The following RGS6 variants were observed in gnomAD, a reference collection of about 807,000 sequenced individuals.
The protein encoded by RGS6 is regulator of G-protein signaling 6.
Under a neutral mutation model 78.5 loss-of-function variants are expected in RGS6, and 30 were observed. The ratio of observed to expected loss-of-function variants is 0.38; its 90% CI spans 0.29 to 0.52. The LOEUF (loss-of-function observed/expected upper bound fraction) is 0.52, where lower values mean the gene tolerates loss of function less well. RGS6 is among the 20% of genes least tolerant of loss of function. The probability of loss-of-function intolerance (pLI) is 0.85; values close to 1 mark genes in which losing one functional copy is unlikely to be tolerated. For synonymous variants in RGS6, 206 were observed against 206.0 expected, an observed-to-expected ratio of 1.00 and a Z score of 0.00; for missense variants, 495 against 609.7, an observed-to-expected ratio of 0.81 and a Z score of 1.98.
intron 17 of RGS6, among the ~76,000 whole-genome samples, chr14:72,549,359 C>T (rs960228212): frequency 1.3e-5 from 2 of 152,124 alleles, no homozygotes; most frequent in Non-Finnish European, 2.9e-5. Flanking sequence ...CCCACTGGCA[C>T]AGGGCATTGG....
intron 16 of RGS6, among the ~76,000 whole-genome samples, chr14:72,539,377 AC>A (rs1382600676): frequency 3.3e-5 from 5 of 151,944 alleles, no homozygotes; most frequent in Non-Finnish European, 2.9e-5. Context: ...GAGACCCAAG[AC>A]CCTTTGTCCA....
At chr14:72,288,313 G>A (rs1275122636) in intron 2 of RGS6, among the ~76,000 whole-genome samples, 1 of 152,154 alleles carries the variant, frequency 6.6e-6, no homozygotes, top group Non-Finnish European at 1.5e-5. Context: ...AATTATCCTG[G>A]TGGAATGGCT....
At position 72,231,856 on chromosome 14, in the gene RGS6, A is replaced by G. The variant is rs572638330; in HGVS notation, c.85-120239A>G. 7.2e-4 allele frequency among the ~76,000 whole-genome samples: 109 copies of G among 152,200 alleles called. 1 individual carries two copies. The South Asian group carries it at 0.022, about 30-fold the overall frequency. On this transcript the variant is annotated intron_variant, in intron 2 of 17. Transcript: ENST00000553525. The stretch of plus-strand genomic sequence containing the variant: ...GTGAGGAGGAGAGGGGTGGGGGATG[A>G]ACTGGGATAGGTTGCAACAAGGAGC...
intron 17 of RGS6, 130 bp from the exon 18 acceptor site, chr14:72,562,287 T>C: frequency 1.2e-6 from 1 of 813,696 alleles, no homozygotes; most frequent in Non-Finnish European, 2.0e-6. Context: ...AATATCAAGA[T>C]GGTCAGTTGG....
intron 2 of RGS6, among the ~76,000 whole-genome samples, chr14:71,994,907 G>A (rs1372227129): frequency 6.6e-6 from 1 of 152,106 alleles, no homozygotes; most frequent in African/African-American, 2.4e-5. Context: ...TGTTGCTGTG[G>A]CCCCAAGAAA....
chr14:72,272,309 G>A (rs1017388826), intron 2 of RGS6, among the ~76,000 whole-genome samples: 3 of 152,192 alleles, frequency 2.0e-5, no homozygotes, highest in African/African-American at 7.2e-5. Flanking sequence ...AAGGGGAAAA[G>A]ATGGACAGCA....
chr14:72,261,222 A>G (rs1317637172), intron 2 of RGS6, among the ~76,000 whole-genome samples: 2 of 152,132 alleles, frequency 1.3e-5, no homozygotes, highest in Non-Finnish European at 2.9e-5. Context: ...AGAATTGAAA[A>G]CAGCACGACC....
At chr14:72,457,555 TTA>T (rs2095663690) in intron 4 of RGS6, among the ~76,000 whole-genome samples, 1 of 152,220 alleles carries the variant, frequency 6.6e-6, no homozygotes, top group Non-Finnish European at 1.5e-5. Flanking sequence ...TGCCTCTGGA[TTA>T]CAGGCGTGAG....
At chr14:72,398,468 G>A (rs1033353043) in intron 3 of RGS6, among the ~76,000 whole-genome samples, 26 of 151,946 alleles carry the variant, frequency 1.7e-4, no homozygotes, top group African/African-American at 5.1e-4. Flanking sequence ...CTTGCTAGTG[G>A]TCTATCAATT....
chr14:72,257,539 G>A (rs1020301658), intron 2 of RGS6, among the ~76,000 whole-genome samples: 7 of 151,982 alleles, frequency 4.6e-5, no homozygotes, highest in African/African-American at 1.7e-4. Context: ...TTCTCTATTG[G>A]GTACAATGTT....
intron 2 of RGS6, among the ~76,000 whole-genome samples, chr14:72,250,872 TC>T (rs1345491306): frequency 1.3e-5 from 2 of 152,054 alleles, no homozygotes; most frequent in African/African-American, 2.4e-5. Context: ...AATTTCCCCC[TC>T]CCCCTCTGAA....
intron 2 of RGS6, among the ~76,000 whole-genome samples, chr14:72,242,706 A>G (rs1288701915): frequency 6.6e-6 from 1 of 152,158 alleles, no homozygotes; most frequent in African/African-American, 2.4e-5. Context: ...TTTGGAACTA[A>G]CAACTATTTT....
intron 2 of RGS6, among the ~76,000 whole-genome samples, chr14:72,286,294 C>T (rs1029325115): frequency 6.6e-6 from 1 of 152,142 alleles, no homozygotes; most frequent in Non-Finnish European, 1.5e-5. Flanking sequence ...ATTCTTGGCA[C>T]GCTTGTTGAA....
At chr14:72,275,755 T>C (rs540478480) in intron 2 of RGS6, among the ~76,000 whole-genome samples, 71 of 152,322 alleles carry the variant, frequency 4.7e-4, no homozygotes, top group Middle Eastern at 3.4e-3. Context: ...CATATGTGGG[T>C]TATTTGAGCT....
At chr14:72,618,058 AT>A in the RGS6 span, among the ~76,000 whole-genome samples, 1 of 151,220 alleles carries the variant, frequency 6.6e-6, no homozygotes, top group African/African-American at 2.4e-5. Flanking sequence ...TTCTAGACAC[AT>A]TTTTTTTTGA....
At chr14:71,922,529 C>T in the RGS6 span, among the ~76,000 whole-genome samples, 1 of 152,336 alleles carries the variant, frequency 6.6e-6, no homozygotes, top group East Asian at 1.9e-4. Flanking sequence ...CCTATGTTAA[C>T]ATCTTACATA....
At chr14:71,996,946 A>G (rs2095228217) in intron 2 of RGS6, among the ~76,000 whole-genome samples, 1 of 152,138 alleles carries the variant, frequency 6.6e-6, no homozygotes. Flanking sequence ...GCAGAGCTGA[A>G]TGGTGAGAAT....
chr14:72,091,754 G>C (rs547552129), intron 2 of RGS6, among the ~76,000 whole-genome samples: 1 of 152,198 alleles, frequency 6.6e-6, no homozygotes, highest in African/African-American at 2.4e-5. Flanking sequence ...TTTTCTGCAG[G>C]CTCCTGTCCT....
At chr14:72,207,077 A>G (rs2042890462) in intron 2 of RGS6, among the ~76,000 whole-genome samples, 1 of 152,142 alleles carries the variant, frequency 6.6e-6, no homozygotes, top group Non-Finnish European at 1.5e-5. Flanking sequence ...CATCTCTTAA[A>G]CTCATAGACA....
Sources: gnomAD v4.1 joint callset for allele counts (sites outside exome capture counted in the v4.1 genomes callset) on GRCh38, gnomAD v4.1.1 for gene constraint, MANE v1.5 for transcripts, NCBI Gene and HGNC (gene_info 2026-07-23, HGNC 2026-07-21) for gene names.